CNTN5: variants seen among roughly 807,000 people sequenced by gnomAD.
The protein encoded by CNTN5 is contactin-5.
CNTN5 carries 77 observed loss-of-function variants against 129.1 expected under a neutral mutation model. The observed-to-expected ratio is 0.60, with a 90% confidence interval of 0.50 to 0.72. The LOEUF is 0.72. Ranked by LOEUF, CNTN5 falls within the 30% of genes least tolerant of loss-of-function variation. The pLI is 0.00. For synonymous variants in CNTN5, 509 were observed against 465.6 expected, an observed-to-expected ratio of 1.09 and a Z score of -1.20; for missense variants, 1,478 against 1,328.8, an observed-to-expected ratio of 1.11 and a Z score of -1.75.
At chr11:100,198,408 C>T (rs1948699167) in intron 15 of CNTN5, among the ~76,000 whole-genome samples, 1 of 126,958 alleles carries the variant, frequency 7.9e-6, no homozygotes, top group Admixed American at 7.5e-5. Flanking sequence ...GTATGTATGT[C>T]TGTCTAGACA....
chr11:99,669,227 GA>G (rs1439897182), intron 3 of CNTN5, among the ~76,000 whole-genome samples: 1 of 152,034 alleles, frequency 6.6e-6, no homozygotes, highest in Non-Finnish European at 1.5e-5. Context: ...TATAATCAAC[GA>G]AAATAAGACT....
At chr11:99,173,895 C>G (rs1001009513) in intron 1 of CNTN5, among the ~76,000 whole-genome samples, 2 of 152,082 alleles carry the variant, frequency 1.3e-5, no homozygotes, top group Non-Finnish European at 2.9e-5. Context: ...GATGGTGGCT[C>G]TATAATTTTT....
At chr11:99,158,656 T>C (rs944336461) in intron 1 of CNTN5, among the ~76,000 whole-genome samples, 1 of 152,130 alleles carries the variant, frequency 6.6e-6, no homozygotes, top group Non-Finnish European at 1.5e-5. Context: ...CATTGGGCAA[T>C]AGGAGAACAA....
chr11:99,112,005 C>T (rs1857820624), intron 1 of CNTN5, among the ~76,000 whole-genome samples: 2 of 152,128 alleles, frequency 1.3e-5, no homozygotes, highest in South Asian at 4.1e-4. Flanking sequence ...CATAACTCAA[C>T]TTCTCCCACA....
intron 1 of CNTN5, among the ~76,000 whole-genome samples, chr11:99,279,036 AG>A (rs1313171611): frequency 6.6e-6 from 1 of 151,786 alleles, no homozygotes; most frequent in Non-Finnish European, 1.5e-5. Flanking sequence ...TGAAGAATCC[AG>A]GGGATTAAAC....
At chr11:99,857,845 C>T (rs559990018) in intron 6 of CNTN5, among the ~76,000 whole-genome samples, 116 of 152,050 alleles carry the variant, frequency 7.6e-4, no homozygotes, top group African/African-American at 2.5e-3. Context: ...TATTGATCTC[C>T]GTGGCAATAA....
At chr11:100,323,828 C>A (rs2138968089) in intron 21 of CNTN5, among the ~76,000 whole-genome samples, 1 of 152,058 alleles carries the variant, frequency 6.6e-6, no homozygotes, top group Admixed American at 6.5e-5. Context: ...TTTTGAACAT[C>A]TTAAGATGGA....
At chr11:99,915,845 T>C (rs3824932) in intron 6 of CNTN5, among the ~76,000 whole-genome samples, 54,846 of 151,900 alleles carry the variant, frequency 0.36, 10,529 homozygotes, top group South Asian at 0.44. Flanking sequence ...AAATAAAGAG[T>C]GTGGTTTTTC....
chr11:99,090,429 A>C (rs1478993571), intron 1 of CNTN5, among the ~76,000 whole-genome samples: 1 of 152,206 alleles, frequency 6.6e-6, no homozygotes, highest in African/African-American at 2.4e-5. Flanking sequence ...TCATAGCTGT[A>C]AGTGACATAA....
intron 6 of CNTN5, among the ~76,000 whole-genome samples, chr11:99,867,631 A>T (rs2135795755): frequency 6.6e-6 from 1 of 152,178 alleles, no homozygotes; most frequent in East Asian, 1.9e-4. Flanking sequence ...TCCCATCATC[A>T]CATCTGTCCT....
chr11:99,745,921 A>G (rs952911318), intron 3 of CNTN5, among the ~76,000 whole-genome samples: 1 of 152,202 alleles, frequency 6.6e-6, no homozygotes, highest in Non-Finnish European at 1.5e-5. Flanking sequence ...TTGTAGAACT[A>G]GCCAAGAAGA....
chr11:99,757,621 A>G (rs896403893), intron 3 of CNTN5, among the ~76,000 whole-genome samples: 7 of 151,974 alleles, frequency 4.6e-5, no homozygotes, highest in African/African-American at 1.7e-4. Context: ...CAGAGACCCT[A>G]TTTCCAAATA....
chr11:99,583,826 A>G (rs1416360339), intron 3 of CNTN5, among the ~76,000 whole-genome samples: 3 of 152,066 alleles, frequency 2.0e-5, no homozygotes, highest in Non-Finnish European at 4.4e-5. Context: ...TGCTGCACCC[A>G]CAGTCCTGCA....
intron 2 of CNTN5, among the ~76,000 whole-genome samples, chr11:99,370,344 C>T (rs187513637): frequency 6.6e-6 from 1 of 152,228 alleles, no homozygotes. Flanking sequence ...TCAAGGATCG[C>T]AAGTTTTTAG....
Position 100,169,509 on chromosome 11 carries a change from C to T in CNTN5, c.1581-21617C>T, listed in dbSNP as rs553046063. Among the ~76,000 whole-genome samples the T allele has an allele frequency of 2.1e-4, 32 of 151,994 alleles. No individual in the cohort carries two copies. In the South Asian group the frequency reaches 5.4e-3, roughly 26 times the overall value. On this transcript the variant is annotated intron_variant, in intron 13 of 24. Coordinates refer to ENST00000524871, the MANE Select transcript of CNTN5 (RefSeq NM_014361.4). ...ATCTACGGTGAAGACCCTTCACCAG[C>T]GAAAAGATTAGAACTGGCTGAAGGC... is the stretch of plus-strand genomic sequence containing the variant.
chr11:99,800,308 G>T (rs1410776525), intron 3 of CNTN5, among the ~76,000 whole-genome samples: 1 of 152,086 alleles, frequency 6.6e-6, no homozygotes, highest in East Asian at 1.9e-4. Context: ...TGTTCTCTGA[G>T]AATATGGTTG....
At chr11:100,221,804 G>GAA (rs142481281) in intron 15 of CNTN5, among the ~76,000 whole-genome samples, 2 of 143,696 alleles carry the variant, frequency 1.4e-5, no homozygotes, top group African/African-American at 2.6e-5. Flanking sequence ...AACGAAAGCA[G>GAA]AAAAAAAAAA....
At chr11:99,812,785 T>A (rs1946468879) in intron 3 of CNTN5, among the ~76,000 whole-genome samples, 1 of 152,146 alleles carries the variant, frequency 6.6e-6, no homozygotes, top group Admixed American at 6.6e-5. Context: ...GGAGGATATA[T>A]GCATCGTAGC....
At chr11:99,643,592 G>A (rs1321817837) in intron 3 of CNTN5, among the ~76,000 whole-genome samples, 1 of 152,060 alleles carries the variant, frequency 6.6e-6, no homozygotes, top group East Asian at 1.9e-4. Flanking sequence ...ACAAGGAATA[G>A]AGATTGCCAA....
Sources: allele counts gnomAD v4.1 joint callset (sites outside exome capture counted in the v4.1 genomes callset), GRCh38; gene constraint gnomAD v4.1.1; transcripts MANE v1.5; gene names NCBI Gene and HGNC (gene_info 2026-07-23, HGNC 2026-07-21).